Variants in TMC3 observed in about 807,000 individuals in gnomAD.
TMC3 encodes transmembrane channel-like protein 3.
Under a neutral mutation model 110.6 loss-of-function variants are expected in TMC3, and 98 were observed. The observed-to-expected ratio is 0.89, with a 90% CI of 0.75 to 1.05. TMC3 has a LOEUF of 1.05. TMC3 is among the 50% of genes least tolerant of loss of function. The probability of loss-of-function intolerance (pLI) is 0.00; values close to 1 mark genes in which losing one functional copy is unlikely to be tolerated. For synonymous variants in TMC3, 489 were observed against 513.1 expected (o/e 0.95, Z 0.63); for missense variants, 1,319 against 1,373.2 (o/e 0.96, Z 0.62).
chr15:81,369,374 TG>T, intron 2 of TMC3, among the ~76,000 whole-genome samples: 1 of 152,146 alleles, frequency 6.6e-6, no homozygotes, highest in East Asian at 1.9e-4. Context: ...GCCCAGCCAA[TG>T]CATTGACTTC....
intron 7 of TMC3, 40 bp from the exon 8 acceptor site, chr15:81,356,634 G>A: frequency 6.4e-7 from 1 of 1,561,730 alleles, no homozygotes; most frequent in Non-Finnish European, 8.7e-7. Flanking sequence ...GGAGTCTCAG[G>A]AATAGGGGGC....
intron 9 of TMC3, among the ~76,000 whole-genome samples, chr15:81,355,160 T>C (rs1449219816): frequency 3.9e-5 from 6 of 152,130 alleles, no homozygotes; most frequent in Non-Finnish European, 5.9e-5. Context: ...TTCTGCACTG[T>C]GGAAACTAAT....
At chr15:81,341,641 C>A in intron 15 of TMC3, 123 bp from the exon 16 acceptor site, 2 of 1,092,812 alleles carry the variant, frequency 1.8e-6, no homozygotes, top group Non-Finnish European at 2.5e-6. Flanking sequence ...GCTTAAAGGA[C>A]TGGAAAAGCC....
intron 1 of TMC3, among the ~76,000 whole-genome samples, chr15:81,373,680 T>C (rs1894486902): frequency 6.6e-6 from 1 of 152,200 alleles, no homozygotes; most frequent in Non-Finnish European, 1.5e-5. Flanking sequence ...TTGACATTGC[T>C]GATTGAGTGA....
chr15:81,347,772 G>A (rs1474204040), intron 11 of TMC3, among the ~76,000 whole-genome samples: 1 of 152,188 alleles, frequency 6.6e-6, no homozygotes, highest in African/African-American at 2.4e-5. Context: ...TAATAGCATT[G>A]CCTTTAGACC....
In TMC3 at chr15:81,337,625, G is replaced by A; in HGVS notation, c.2160+221C>T. ...AGCTGCAAGGCCTCTTGAGGAGGAAGAAAAACAGGAGCAGGCTTCCTCCTA... is the reference window on the plus strand; with the variant it reads ...AGCTGCAAGGCCTCTTGAGGAGGAAAAAAAACAGGAGCAGGCTTCCTCCTA... On this transcript the variant is annotated intron_variant, in intron 19 of 21. Transcript: ENST00000359440. 3 of 604,202 alleles carry A rather than the reference G, an allele frequency of 5.0e-6. No homozygotes were observed. In the South Asian group the frequency reaches 5.8e-5, roughly 12 times the overall value. 37.4% of individuals were successfully genotyped at this position (604,202 alleles called of 1,614,324 possible).
intron 1 of TMC3, among the ~76,000 whole-genome samples, chr15:81,373,046 A>G (rs1055624253): frequency 3.3e-5 from 5 of 152,172 alleles, no homozygotes; most frequent in African/African-American, 9.7e-5. Flanking sequence ...AAGATGAGAC[A>G]AGAGGGTATT....
At position 81,355,917 on chromosome 15, in the gene TMC3, CAAT is replaced by C. The variant is rs542524163; in HGVS notation, c.892-152_892-150del. 351 of 571,106 alleles carry C rather than the reference CAAT, an allele frequency of 6.1e-4. 3 individuals carry two copies. In the African/African-American group the frequency reaches 6.3e-3, roughly 10 times the overall value. 35.4% of individuals were successfully genotyped at this position (571,106 alleles called of 1,614,324 possible). On this transcript the variant is annotated intron_variant, in intron 8 of 21. Coordinates refer to ENST00000359440, the MANE Select transcript of TMC3 (RefSeq NM_001080532.3). Reference sequence around the variant, plus strand: ...CAATTGATATAAATGAATTAGATATCAATAATCTAATCAATTGAAAAAATATTG... The same window carrying C: ...CAATTGATATAAATGAATTAGATATCAATCTAATCAATTGAAAAAATATTG...
chr15:81,351,271 T>G (rs1893941521), intron 10 of TMC3, among the ~76,000 whole-genome samples: 2 of 152,000 alleles, frequency 1.3e-5, no homozygotes, highest in Non-Finnish European at 2.9e-5. Flanking sequence ...GGACTAAAGT[T>G]TTTTCCTAGA....
intron 3 of TMC3, among the ~76,000 whole-genome samples, chr15:81,368,017 C>A (rs753276348): frequency 6.6e-6 from 1 of 151,950 alleles, no homozygotes; most frequent in Admixed American, 6.5e-5. Flanking sequence ...TCACTGCAAC[C>A]TCTGCCTCCC....
intron 9 of TMC3, among the ~76,000 whole-genome samples, chr15:81,354,975 A>T (rs1596088848): frequency 6.6e-6 from 1 of 152,162 alleles, no homozygotes; most frequent in Admixed American, 6.5e-5. Context: ...GTTCAGGAGC[A>T]TTTCCCAGGT....
At chr15:81,353,097 C>A (rs1252077833) in intron 9 of TMC3, among the ~76,000 whole-genome samples, 1 of 152,124 alleles carries the variant, frequency 6.6e-6, no homozygotes, top group African/African-American at 2.4e-5. Flanking sequence ...GCTGGGATTA[C>A]AGGTGTGTGC....
chr15:81,368,376 A>G (rs1264883952), intron 2 of TMC3, 48 bp from the exon 3 acceptor site: 2 of 1,465,442 alleles, frequency 1.4e-6, no homozygotes, highest in Non-Finnish European at 1.9e-6. Context: ...TCACACTTAC[A>G]ATTTCTGCAA....
At chr15:81,372,554 G>A (rs1020476967) in intron 2 of TMC3, 37 bp downstream of exon 2, 1 of 1,611,600 alleles carries the variant, frequency 6.2e-7, no homozygotes, top group African/African-American at 1.3e-5. Flanking sequence ...CGGAAAGCAT[G>A]CTTGTAATGA....
chr15:81,373,681 G>A (rs1894486967), intron 1 of TMC3, among the ~76,000 whole-genome samples: 1 of 152,156 alleles, frequency 6.6e-6, no homozygotes, highest in Admixed American at 6.5e-5. Context: ...TGACATTGCT[G>A]ATTGAGTGAA....
intron 8 of TMC3, 31 bp downstream of exon 8, chr15:81,356,416 C>G: frequency 6.4e-7 from 1 of 1,552,092 alleles, no homozygotes; most frequent in South Asian, 1.2e-5. Flanking sequence ...AGCTGCCCAC[C>G]CCCGCAGGCT....
Position 81,341,496 on chromosome 15 carries a change from A to G in TMC3, c.1738T>C (p.Cys580Arg). Residue 580 changes from cysteine (C) to arginine (R), a missense_variant, in exon 16 of 22, where the codon TGT (cysteine) becomes CGT (arginine). Transcript: ENST00000359440. ...MIWMGAFFSPCLPAFNVLKLI... is the reference protein window; with the variant it reads ...MIWMGAFFSPRLPAFNVLKLI... ...TTGAGAACGTTGAACGCTGGGAGAC[A>G]TGGGGAGAAGAAGGCCCCCATCCTG... 6.2e-7 allele frequency: 1 copy of G among 1,611,028 alleles called. No individual in the cohort carries two copies. The highest frequency in any genetic ancestry group is 8.5e-7 in the Non-Finnish European group (1 of 1,178,534).
chr15:81,356,637 T>C, intron 7 of TMC3, 43 bp from the exon 8 acceptor site: 2 of 1,555,362 alleles, frequency 1.3e-6, no homozygotes, highest in Non-Finnish European at 8.7e-7. Flanking sequence ...GTCTCAGGAA[T>C]AGGGGGCTGT....
At chr15:81,358,668 ATT>A (rs1241540091) in intron 5 of TMC3, among the ~76,000 whole-genome samples, 168 bp from the exon 6 acceptor site, 1 of 151,802 alleles carries the variant, frequency 6.6e-6, no homozygotes, top group African/African-American at 2.4e-5. Context: ...GGGCGGCCAG[ATT>A]TTCTTTTTGC....
Sources: gnomAD v4.1 joint callset for allele counts (sites outside exome capture counted in the v4.1 genomes callset) on GRCh38, gnomAD v4.1.1 for gene constraint, MANE v1.5 for transcripts, NCBI Gene and HGNC (gene_info 2026-07-23, HGNC 2026-07-21) for gene names.